The following COL9A1 variants were observed in gnomAD, a reference collection of about 807,000 sequenced individuals.
COL9A1 encodes collagen type IX alpha 1 chain, also known as collagen alpha-1(IX) chain.
Under a neutral mutation model 142.6 loss-of-function variants are expected in COL9A1, and 104 were observed. The ratio of observed to expected loss-of-function variants is 0.73; its 90% confidence interval spans 0.62 to 0.86. The LOEUF is 0.86. COL9A1 is among the 40% of genes least tolerant of loss of function. The pLI, the probability that COL9A1 is intolerant of heterozygous loss-of-function variation, is 0.00. For missense variants in COL9A1, 1,210 were observed against 1,176.6 expected (o/e 1.03, Z -0.42); for synonymous variants, 466 against 396.0 (o/e 1.18, Z -2.10).
intron 5 of COL9A1, among the ~76,000 whole-genome samples, chr6:70,286,546 T>G (rs191299338): frequency 2.8e-4 from 43 of 152,346 alleles, no homozygotes; most frequent in Non-Finnish European, 4.9e-4. Flanking sequence ...AACTAGCTCT[T>G]TAATAGGACA....
intron 33 of COL9A1, among the ~76,000 whole-genome samples, chr6:70,237,806 G>A (rs1209835131): frequency 2.0e-5 from 3 of 152,326 alleles, no homozygotes; most frequent in Admixed American, 6.5e-5. Flanking sequence ...AAGTTAATAC[G>A]ATGTAATAAT....
At chr6:70,233,777 C>G (rs1168133517) in intron 35 of COL9A1, among the ~76,000 whole-genome samples, 1 of 152,156 alleles carries the variant, frequency 6.6e-6, no homozygotes, top group Admixed American at 6.5e-5. Flanking sequence ...TGGAAAACTT[C>G]TCAAGTCTCC....
chr6:70,241,798 T>C (rs938070918), intron 30 of COL9A1, among the ~76,000 whole-genome samples, 166 bp downstream of exon 30: 16 of 152,360 alleles, frequency 1.1e-4, no homozygotes, highest in East Asian at 9.6e-4. Context: ...TAATAGACTT[T>C]TTGCTTCTTA....
chr6:70,255,460 G>A (rs1771221426), intron 21 of COL9A1, 70 bp from the exon 22 acceptor site: 1 of 1,369,592 alleles, frequency 7.3e-7, no homozygotes, highest in Non-Finnish European at 1.0e-6. Context: ...AAATTAGAAA[G>A]TATCATCCAC....
intron 5 of COL9A1, among the ~76,000 whole-genome samples, chr6:70,290,695 C>A (rs1773625306): frequency 6.6e-6 from 1 of 151,938 alleles, no homozygotes; most frequent in Admixed American, 6.6e-5. Context: ...TTATGAAGTT[C>A]CTAGGGTTAC....
At position 70,281,265 on chromosome 6, in the gene COL9A1, T is replaced by TG. The variant is rs1280200489; in HGVS notation, c.876+124dup. On this transcript the variant is annotated intron_variant, in intron 8 of 37. Coordinates refer to ENST00000357250, the MANE Select transcript of COL9A1 (RefSeq NM_001851.6). ...GCCCATGTCTGATCCTGCCTTTAAG[T>TG]GGGGTGGCAGGAAGGGGAGACCCTG... 43 of 930,668 alleles carry TG rather than the reference T, an allele frequency of 4.6e-5. No individual in the cohort carries two copies. In the South Asian group the frequency reaches 6.6e-4, roughly 14 times the overall value. The allele number at this position is 930,668 out of a possible 1,614,324, so 57.7% of individuals were successfully genotyped here. A position where few individuals can be genotyped will look rare whatever the true frequency, so the allele number is the denominator to read the frequency against.
At chr6:70,224,664 T>C (rs1769113813) in intron 37 of COL9A1, among the ~76,000 whole-genome samples, 1 of 152,200 alleles carries the variant, frequency 6.6e-6, no homozygotes, top group Admixed American at 6.5e-5. Context: ...ACAGGCACCT[T>C]TAGTAAATTC....
intron 36 of COL9A1, among the ~76,000 whole-genome samples, chr6:70,227,873 C>T (rs1213081237): frequency 6.6e-6 from 1 of 151,982 alleles, no homozygotes; most frequent in Non-Finnish European, 1.5e-5. Flanking sequence ...AGGCAAGTTC[C>T]AGAACACTTG....
chr6:70,300,489 C>T lies in COL9A1; in HGVS notation c.89-103G>A, dbSNP rs1472738088. The T allele has an allele frequency of 1.0e-5, 5 of 479,950 alleles. No individual in the cohort carries two copies. The Admixed American group carries it at 1.3e-4, about 13-fold the overall frequency. 29.7% of individuals were successfully genotyped at this position (479,950 alleles called of 1,614,324 possible). A position where few individuals can be genotyped will look rare whatever the true frequency, so the allele number is the denominator to read the frequency against. On this transcript the variant is annotated intron_variant, in intron 2 of 37. Transcript: ENST00000357250. ...ATAATAATAATAATAAAATTTAGAA[C>T]CAGAAAATAGCAATTGACCACAAAA... is the stretch of plus-strand genomic sequence containing the variant.
chr6:70,259,292 G>A (rs958996488), intron 20 of COL9A1, among the ~76,000 whole-genome samples: 5 of 152,162 alleles, frequency 3.3e-5, no homozygotes, highest in African/African-American at 9.7e-5. Context: ...AAGGCTCTGT[G>A]CTGCTGGGGG....
chr6:70,268,788 G>C lies in COL9A1; in HGVS notation c.1287+16C>G. The C allele has an allele frequency of 1.2e-6, 2 of 1,611,136 alleles. No homozygotes were observed. The highest frequency in any genetic ancestry group is 1.7e-6 in the Non-Finnish European group (2 of 1,177,500). ...TGTGGATAATACTCTTAAAATACTG[G>C]AAGTTATTCTCTTACCCTCATGCCT... is the stretch of plus-strand genomic sequence containing the variant. On this transcript the variant is annotated intron_variant, in intron 17 of 37. Transcript: ENST00000357250.
intron 33 of COL9A1, among the ~76,000 whole-genome samples, chr6:70,236,785 C>T (rs190110986): frequency 6.6e-6 from 1 of 151,810 alleles, no homozygotes; most frequent in Non-Finnish European, 1.5e-5. Context: ...AAGGCTGCAA[C>T]ATTGTCAGGT....
At chr6:70,257,056 T>A (rs1439029860) in intron 20 of COL9A1, among the ~76,000 whole-genome samples, 7 of 141,926 alleles carry the variant, frequency 4.9e-5, no homozygotes, top group African/African-American at 8.0e-5. Context: ...TAATTTTTTT[T>A]TTTTTTTTTT....
At chr6:70,242,840 A>C (rs1185109734) in intron 28 of COL9A1, 125 bp from the exon 29 acceptor site, 2 of 810,738 alleles carry the variant, frequency 2.5e-6, no homozygotes, top group South Asian at 2.8e-5. Flanking sequence ...GCCATCCTAC[A>C]TAGTGCCTAC....
intron 17 of COL9A1, among the ~76,000 whole-genome samples, chr6:70,267,399 C>T (rs772844404): frequency 8.7e-5 from 13 of 150,150 alleles, no homozygotes; most frequent in Admixed American, 6.0e-4. Context: ...CTCTGCTCAC[C>T]GCAACCTCCA....
chr6:70,264,720 T>C (rs1025990815), intron 18 of COL9A1, among the ~76,000 whole-genome samples: 1 of 152,228 alleles, frequency 6.6e-6, no homozygotes, highest in Non-Finnish European at 1.5e-5. Context: ...TCCATAATTA[T>C]GAAGTTTAGG....
At position 70,252,478 on chromosome 6, in the gene COL9A1, C is replaced by T. The variant is rs9455017; in HGVS notation, c.1765-163G>A. Among the ~76,000 whole-genome samples, 23,510 of 152,066 alleles carry T rather than the reference C, an allele frequency of 0.15. 2,085 individuals carry two copies. Among genetic ancestry groups the T allele is most frequent in the Non-Finnish European group, 0.21 (14,214 of 67,948 alleles). The stretch of plus-strand genomic sequence containing the variant: ...AGAATCTCTTTCTTGTTAGATACAT[C>T]GAAATCCTTTAGATTCAAGATATTG... On this transcript the variant is annotated intron_variant, in intron 26 of 37. Coordinates refer to ENST00000357250, the MANE Select transcript of COL9A1 (RefSeq NM_001851.6).
At position 70,240,687 on chromosome 6, in the gene COL9A1, A is replaced by C; in HGVS notation, c.2079+2T>G. On this transcript the variant is annotated splice_donor_variant, in intron 32 of 37. Coordinates refer to ENST00000357250, the MANE Select transcript of COL9A1 (RefSeq NM_001851.6). LOFTEE classifies it high-confidence loss of function. ...TCATTAACCAGAAAAAAAAAATCTT[A>C]CAAGTTCCCCCCTTTCTCCTGCTTC... is the stretch of plus-strand genomic sequence containing the variant. The C allele has an allele frequency of 1.2e-6, 2 of 1,611,456 alleles. No individual in the cohort carries two copies. The highest frequency in any genetic ancestry group is 1.7e-6 in the Non-Finnish European group (2 of 1,178,134).
In COL9A1 at chr6:70,225,948, T is replaced by A; in HGVS notation, c.2565A>T (p.Gly855=). Residue 855 remains glycine (G), a synonymous_variant, in exon 37 of 38, where the codon GGA becomes GGT. Transcript: ENST00000357250. The part of the protein sequence containing the change: ...PPGRGPNGLP[G]AIGLPGDPGP... The stretch of plus-strand genomic sequence containing the variant: ...CACACTTACCTGGGAGACCTATAGC[T>A]CCAGGCAAACCGTTGGGACCTCTTC... 1 of 1,614,030 alleles carries A rather than the reference T, an allele frequency of 6.2e-7. No individual in the cohort carries two copies. The highest frequency in any genetic ancestry group is 2.2e-5 in the East Asian group (1 of 44,866).
Sources: gnomAD v4.1 joint callset for allele counts (sites outside exome capture counted in the v4.1 genomes callset) on GRCh38, gnomAD v4.1.1 for gene constraint, MANE v1.5 for transcripts, NCBI Gene and HGNC (gene_info 2026-07-23, HGNC 2026-07-21) for gene names.